Variants in PRH1 observed in about 807,000 individuals in gnomAD.
PRH1 encodes proline rich protein HaeIII subfamily 1.
A neutral mutation model predicts 7.9 loss-of-function variants in PRH1; 7 were observed. The observed-to-expected ratio is 0.89, with a 90% CI of 0.50 to 1.67. The LOEUF is 1.67. Among genes scored for constraint, PRH1 ranks in the 40% most tolerant of loss-of-function variants. The pLI is 0.00. For synonymous variants in PRH1, 45 were observed against 80.8 expected, an observed-to-expected ratio of 0.56 and a Z score of 2.38; for missense variants, 109 against 223.6, an observed-to-expected ratio of 0.49 and a Z score of 3.27.
intron 2 of PRH1, among the ~76,000 whole-genome samples, chr12:10,898,220 A>G (rs1284955201): frequency 6.6e-6 from 1 of 152,194 alleles, no homozygotes. Context: ...CAACTGCTGC[A>G]TTTCCCTCCC....
rs778950728 is a variant in PRH1 at position 11,091,698 on chromosome 12, T to C, written n.124-44510A>G. ...ACTAAGTTTGCTACCATGGTTACAG[T>C]CATATTTGAAAAGTACATTGCACTC... On this transcript the variant is annotated intron_variant and non_coding_transcript_variant, in intron 1 of 4. Coordinates refer to the PRH1 transcript ENST00000541977. The C allele has an allele frequency of 3.2e-6, 4 of 1,258,942 alleles. 1 individual carries two copies. The highest frequency in any genetic ancestry group is 4.5e-6 in the Non-Finnish European group (4 of 887,526). 78.0% of individuals were successfully genotyped at this position (1,258,942 alleles called of 1,614,324 possible).
chr12:10,967,550 A>C (rs1472846390), intron 2 of PRH1, among the ~76,000 whole-genome samples: 1 of 152,222 alleles, frequency 6.6e-6, no homozygotes, highest in Non-Finnish European at 1.5e-5. Flanking sequence ...TGGGTCACAC[A>C]ATACAATAAA....
At chr12:10,996,018 C>T (rs1350318323) in intron 1 of PRH1, among the ~76,000 whole-genome samples, 2 of 151,846 alleles carry the variant, frequency 1.3e-5, no homozygotes, top group East Asian at 3.9e-4. Context: ...ATTGTATTTG[C>T]TTTATATTAA....
chr12:11,061,960 T>C (rs2136182871), intron 1 of PRH1: 4 of 1,613,954 alleles, frequency 2.5e-6, no homozygotes, highest in Non-Finnish European at 3.4e-6. Flanking sequence ...GTTGGAGAAA[T>C]TGGCAATCTT....
At chr12:10,913,272 G>C (rs569104159) in intron 2 of PRH1, among the ~76,000 whole-genome samples, 2 of 152,244 alleles carry the variant, frequency 1.3e-5, no homozygotes, top group Admixed American at 1.3e-4. Context: ...GCTAACACAT[G>C]GTGAAACCAA....
chr12:10,901,066 C>A (rs868379437), intron 2 of PRH1, among the ~76,000 whole-genome samples: 3 of 152,310 alleles, frequency 2.0e-5, no homozygotes, highest in Non-Finnish European at 2.9e-5. Context: ...CTGCTGCATA[C>A]CCTAGCATTC....
chr12:10,890,014 G>T (rs1949547877), intron 2 of PRH1, among the ~76,000 whole-genome samples: 1 of 152,114 alleles, frequency 6.6e-6, no homozygotes, highest in Admixed American at 6.6e-5. Flanking sequence ...GTAATTTCTT[G>T]ATTGTTTCAT....
At chr12:11,111,566 G>A (rs897047591) in intron 1 of PRH1, among the ~76,000 whole-genome samples, 3 of 152,102 alleles carry the variant, frequency 2.0e-5, no homozygotes, top group Non-Finnish European at 4.4e-5. Flanking sequence ...AGTAAATAAC[G>A]ATATTAAGAC....
At chr12:10,997,922 T>C (rs1330501408) in intron 1 of PRH1, 6 of 1,229,676 alleles carry the variant, frequency 4.9e-6, no homozygotes, top group East Asian at 2.4e-5. Context: ...ATGTCACTGA[T>C]GGTGACTCCT....
At chr12:11,073,684 TAAG>T (rs1233788639) in intron 1 of PRH1, among the ~76,000 whole-genome samples, 4 of 151,914 alleles carry the variant, frequency 2.6e-5, no homozygotes, top group Non-Finnish European at 5.9e-5. Context: ...ATCCAGAACA[TAAG>T]ATATCTCTAC....
intron 1 of PRH1, among the ~76,000 whole-genome samples, chr12:11,145,809 T>C (rs1946843867): frequency 1.3e-5 from 2 of 152,176 alleles, no homozygotes; most frequent in African/African-American, 4.8e-5. Flanking sequence ...TCTGAGAAAT[T>C]CTGCTCTATA....
At chr12:11,135,496 G>C (rs1418883997) in intron 1 of PRH1, among the ~76,000 whole-genome samples, 1 of 150,012 alleles carries the variant, frequency 6.7e-6, no homozygotes, top group Non-Finnish European at 1.5e-5. Context: ...CAAGTCACCA[G>C]AGCTATCCAA....
chr12:11,040,314 C>T (rs1326052329), intron 1 of PRH1, among the ~76,000 whole-genome samples: 1 of 152,132 alleles, frequency 6.6e-6, no homozygotes, highest in Non-Finnish European at 1.5e-5. Context: ...GACAGGAAAC[C>T]AGATTTTCTG....
At chr12:10,987,546 G>A (rs1037527255) in intron 1 of PRH1, among the ~76,000 whole-genome samples, 3 of 150,674 alleles carry the variant, frequency 2.0e-5, no homozygotes, top group African/African-American at 7.3e-5. Flanking sequence ...CACAGAAAGA[G>A]AGAGAGAGAG....
intron 2 of PRH1, among the ~76,000 whole-genome samples, chr12:10,913,352 G>A (rs1949927548): frequency 6.6e-6 from 1 of 152,050 alleles, no homozygotes; most frequent in South Asian, 2.1e-4. Flanking sequence ...CTACTCGGGA[G>A]GCAGAGGCAA....
chr12:10,953,956 T>C (rs1937819806), intron 2 of PRH1, among the ~76,000 whole-genome samples: 1 of 152,152 alleles, frequency 6.6e-6, no homozygotes, highest in Non-Finnish European at 1.5e-5. Context: ...GGGGCTCATA[T>C]TCAGAAATTT....
intron 1 of PRH1, among the ~76,000 whole-genome samples, chr12:11,065,817 A>T (rs1230978670): frequency 1.3e-5 from 2 of 152,198 alleles, no homozygotes; most frequent in African/African-American, 2.4e-5. Context: ...TGGTCTACGC[A>T]TTCTCCTGCA....
At chr12:11,126,328 T>C (rs1307644551) in intron 1 of PRH1, among the ~76,000 whole-genome samples, 1 of 152,232 alleles carries the variant, frequency 6.6e-6, no homozygotes, top group African/African-American at 2.4e-5. Context: ...AAAATATAGT[T>C]TTGTAAACTT....
chr12:10,986,584 G>C, intron 1 of PRH1: 2 of 1,614,064 alleles, frequency 1.2e-6, no homozygotes, highest in Non-Finnish European at 1.7e-6. Flanking sequence ...ATGCTGAAAT[G>C]GTTGGTTACA....
Sources: allele counts gnomAD v4.1 joint callset (sites outside exome capture counted in the v4.1 genomes callset), GRCh38; gene constraint gnomAD v4.1.1; transcripts MANE v1.5; gene names NCBI Gene and HGNC (gene_info 2026-07-23, HGNC 2026-07-21).